Variants in PTGFRN observed in about 807,000 individuals in gnomAD.
The protein encoded by PTGFRN is prostaglandin F2 receptor inhibitor.
In PTGFRN, 35 loss-of-function variants were observed where a neutral mutation model predicts 83.2. The observed-to-expected ratio is 0.42, with a 90% confidence interval of 0.32 to 0.56. PTGFRN has a LOEUF of 0.56. Ranked by LOEUF, PTGFRN falls within the 20% of genes least tolerant of loss-of-function variation. The pLI, the probability that PTGFRN is intolerant of heterozygous loss-of-function variation, is 0.11. For synonymous variants in PTGFRN, 519 were observed against 498.6 expected (o/e 1.04, Z -0.55); for missense variants, 1,051 against 1,179.5 (o/e 0.89, Z 1.60).
intron 1 of PTGFRN, among the ~76,000 whole-genome samples, chr1:116,933,988 G>A (rs545971014): frequency 9.9e-5 from 15 of 152,264 alleles, no homozygotes; most frequent in African/African-American, 3.1e-4. Flanking sequence ...TTCTACTACA[G>A]TCTCTCCCTG....
Position 116,911,552 on chromosome 1 carries a change from G to A in PTGFRN, c.49+1300G>A, listed in dbSNP as rs867287694. On this transcript the variant is annotated intron_variant, in intron 1 of 8. Transcript: ENST00000393203. Reference sequence around the variant, plus strand: ...CTGACTCCCTCAGAGAGCTCGTCCAGCCACATTGCTTCAGCTTCAGCCCAT... The same window carrying A: ...CTGACTCCCTCAGAGAGCTCGTCCAACCACATTGCTTCAGCTTCAGCCCAT... Among the ~76,000 whole-genome samples the A allele has an allele frequency of 5.9e-5, 9 of 152,338 alleles. No individual in the cohort carries two copies. In the South Asian group the frequency reaches 1.0e-3, roughly 18 times the overall value.
At chr1:116,986,601 A>C (rs1651493723) in intron 8 of PTGFRN, among the ~76,000 whole-genome samples, 200 bp from the exon 9 acceptor site, 1 of 152,216 alleles carries the variant, frequency 6.6e-6, no homozygotes, top group Non-Finnish European at 1.5e-5. Flanking sequence ...AGAGCTGGGT[A>C]GGAAGACATT....
Position 116,941,787 on chromosome 1 carries a change from TC to T in PTGFRN, c.126del (p.Cys43AlafsTer52). ...LVRVVGTELV[I>X]PCNVSDYDGP... The stretch of plus-strand genomic sequence containing the variant: ...CGAGTGGTGGGCACTGAGCTGGTCA[TC>T]CCCTGCAACGTCAGTGACTATGATG... On this transcript the variant is annotated frameshift_variant, in exon 2 of 9. Transcript: ENST00000393203. LOFTEE classifies it high-confidence loss of function. This position sits in a 1 kb window ranked among gnomAD's most constrained non-coding sequence, Gnocchi z 5.0. 1 of 1,614,120 alleles carries T rather than the reference TC, an allele frequency of 6.2e-7. No individual in the cohort carries two copies. Among genetic ancestry groups the T allele is most frequent in the Non-Finnish European group, 8.5e-7 (1 of 1,180,022 alleles).
At chr1:116,916,816 C>T (rs1029523424) in intron 1 of PTGFRN, among the ~76,000 whole-genome samples, 4 of 152,108 alleles carry the variant, frequency 2.6e-5, no homozygotes, top group South Asian at 2.1e-4. Flanking sequence ...TACTATTACA[C>T]GCCGGGCATT....
intron 4 of PTGFRN, among the ~76,000 whole-genome samples, chr1:116,956,789 A>G (rs914122159): frequency 2.0e-5 from 3 of 152,180 alleles, no homozygotes; most frequent in East Asian, 3.9e-4. Flanking sequence ...GGAGGTTGTT[A>G]TTATAGTCTT....
At chr1:116,934,039 CTG>C in intron 1 of PTGFRN, among the ~76,000 whole-genome samples, 1 of 152,286 alleles carries the variant, frequency 6.6e-6, no homozygotes, top group African/African-American at 2.4e-5. Context: ...GGCCTTTTTA[CTG>C]TGTCTCATAG....
Position 116,952,436 on chromosome 1 carries a change from A to C in PTGFRN, c.1213+2864A>C, listed in dbSNP as rs1413196405. ...TAGATGTTGAGAAAAAACCTCTTTT[A>C]CTTAGAATGTATGTCCTACTTTAAA... On this transcript the variant is annotated intron_variant, in intron 4 of 8. Transcript: ENST00000393203. This position sits in a 1 kb window ranked among gnomAD's most constrained non-coding sequence, Gnocchi z 4.0. 6.6e-6 allele frequency among the ~76,000 whole-genome samples: 1 copy of C among 152,204 alleles called. No individual in the cohort carries two copies. Among genetic ancestry groups the C allele is most frequent in the Non-Finnish European group, 1.5e-5 (1 of 68,038 alleles).
intron 5 of PTGFRN, among the ~76,000 whole-genome samples, chr1:116,964,666 T>C (rs1414487564): frequency 6.6e-6 from 1 of 152,174 alleles, no homozygotes; most frequent in Non-Finnish European, 1.5e-5. Context: ...CCAGACTCAA[T>C]ATTACATTGC....
intron 2 of PTGFRN, among the ~76,000 whole-genome samples, chr1:116,943,422 G>A (rs190267018): frequency 3.3e-5 from 5 of 152,212 alleles, no homozygotes; most frequent in South Asian, 2.1e-4. Flanking sequence ...TCCCCCACCC[G>A]CACCCCACTT....
rs1195021344 is a variant in PTGFRN at position 116,958,939 on chromosome 1, C to T, written c.1214-2304C>T. Among the ~76,000 whole-genome samples, 1 of 152,216 alleles carries T rather than the reference C, an allele frequency of 6.6e-6. No homozygotes were observed. Among genetic ancestry groups the T allele is most frequent in the Non-Finnish European group, 1.5e-5 (1 of 68,026 alleles). On this transcript the variant is annotated intron_variant, in intron 4 of 8. Coordinates refer to ENST00000393203, the MANE Select transcript of PTGFRN (RefSeq NM_020440.4). The surrounding 1 kb of genome is among the most constrained non-coding windows in gnomAD (Gnocchi z 4.9). ...GGCTCCATGTAAGAGCCACTGCTGG[C>T]TGCTGCCTACAGATAGTTGATGCTC...
At chr1:116,939,997 G>A (rs1650020719) in intron 1 of PTGFRN, among the ~76,000 whole-genome samples, 1 of 152,116 alleles carries the variant, frequency 6.6e-6, no homozygotes. Context: ...GGACCTTGTC[G>A]TTATCAGGCT....
intron 1 of PTGFRN, among the ~76,000 whole-genome samples, chr1:116,929,568 G>C (rs1374152933): frequency 6.6e-6 from 1 of 152,116 alleles, no homozygotes; most frequent in Admixed American, 6.5e-5. Flanking sequence ...TATATTTGCT[G>C]TTCTGTGTCT....
At chr1:116,984,576 G>A (rs2101092821) in intron 7 of PTGFRN, 104 bp from the exon 8 acceptor site, 1 of 1,091,378 alleles carries the variant, frequency 9.2e-7, no homozygotes, top group Non-Finnish European at 1.3e-6. Flanking sequence ...GGCATGTAGT[G>A]TTGTGCTTGC....
Position 116,978,176 on chromosome 1 carries a change from G to A in PTGFRN, c.2167+3853G>A, listed in dbSNP as rs537126238. On this transcript the variant is annotated intron_variant, in intron 7 of 8. Transcript: ENST00000393203. ...CACCCTCCCAAGACTAAACCAGGAA[G>A]AAGCGGAATCCCTGAATAGACCAAT... Among the ~76,000 whole-genome samples the A allele has an allele frequency of 5.9e-5, 9 of 152,332 alleles. No individual in the cohort carries two copies. In the East Asian group the frequency reaches 1.3e-3, roughly 23 times the overall value.
intron 1 of PTGFRN, among the ~76,000 whole-genome samples, chr1:116,920,894 G>A (rs2182604): frequency 0.2 from 30,250 of 152,160 alleles, 3,860 homozygotes; most frequent in Admixed American, 0.35. Flanking sequence ...AAAGTGCTGG[G>A]ATTACAGGTG....
In PTGFRN at chr1:116,987,273, T is replaced by G; in HGVS notation, c.*306T>G. The G allele has an allele frequency of 3.4e-6, 1 of 297,780 alleles. No individual in the cohort carries two copies. Among genetic ancestry groups the G allele is most frequent in the Non-Finnish European group, 6.4e-6 (1 of 155,722 alleles). The allele number at this position is 297,780 out of a possible 1,614,324, so 18.4% of individuals were successfully genotyped here. On this transcript the variant is annotated 3_prime_UTR_variant, in exon 9 of 9. Transcript: ENST00000393203. Reference sequence around the variant, plus strand: ...CCCACTGGTTTATAGATCCTCTGACTTGTGTGTGTTTATAGCTTTTGTTTC... The same window carrying G: ...CCCACTGGTTTATAGATCCTCTGACGTGTGTGTGTTTATAGCTTTTGTTTC...
At position 116,989,246 on chromosome 1, in the gene PTGFRN, G is replaced by A. The variant is rs890341426; in HGVS notation, c.*2279G>A. ...CATACTGATGCTGCAGTTCAGGGCT[G>A]GAGTTGTTAAGGCATTGACCTCCAC... On this transcript the variant is annotated 3_prime_UTR_variant, in exon 9 of 9. Coordinates refer to ENST00000393203, the MANE Select transcript of PTGFRN (RefSeq NM_020440.4). 6.6e-6 allele frequency: 1 copy of A among 152,228 alleles called. No homozygotes were observed. Among genetic ancestry groups the A allele is most frequent in the Non-Finnish European group, 1.5e-5 (1 of 68,090 alleles). 9.4% of individuals were successfully genotyped at this position (152,228 alleles called of 1,614,324 possible). A position where few individuals can be genotyped will look rare whatever the true frequency, so the allele number is the denominator to read the frequency against.
intron 3 of PTGFRN, among the ~76,000 whole-genome samples, chr1:116,945,924 G>T (rs60503524): frequency 6.6e-6 from 1 of 152,178 alleles, no homozygotes; most frequent in Non-Finnish European, 1.5e-5. Context: ...CCTTGGGTCA[G>T]AGGTATTTGA....
At position 116,942,071 on chromosome 1, in the gene PTGFRN, G is replaced by C. The variant is rs1403592333; in HGVS notation, c.406G>C (p.Val136Leu). 29 of 1,612,820 alleles carry C rather than the reference G, an allele frequency of 1.8e-5. No homozygotes were observed. Among genetic ancestry groups the C allele is most frequent in the Non-Finnish European group, 2.5e-5 (29 of 1,179,130 alleles). Residue 136 changes from valine (V) to leucine (L), a missense_variant, in exon 2 of 9, where the codon GTG (valine) becomes CTG (leucine). Physicochemically the swap from Val to Leu is conservative, Grantham distance 32. Around this residue, in one of 3 missense-constraint regions of PTGFRN, gnomAD observed 205 missense variants for 174.5 expected, o/e 1.17. Transcript: ENST00000393203. ...TGTCCAGGGAAACTATGAGGACACA[G>C]TGCAGGTTAAAGGTACAGTCCTCAC... ...ATVQGNYEDT[V>L]QVKVLADSLH...
Sources: allele counts gnomAD v4.1 joint callset (sites outside exome capture counted in the v4.1 genomes callset), GRCh38; gene constraint gnomAD v4.1.1; regional missense constraint gnomAD v4.1.1; non-coding constraint Gnocchi (gnomAD v3.1); transcripts MANE v1.5; gene names NCBI Gene and HGNC (gene_info 2026-07-23, HGNC 2026-07-21).